FBH1: variants seen among roughly 807,000 people sequenced by gnomAD.
The protein encoded by FBH1 is F-box DNA helicase 1, also known as DNA 3'-5' helicase 1.
In FBH1, 43 loss-of-function variants were observed where a neutral mutation model predicts 115.5. That is an observed-to-expected ratio of 0.37 (90% confidence interval 0.29 to 0.48). The LOEUF is 0.48. FBH1 is among the 20% of genes least tolerant of loss of function. The pLI is 0.99. For synonymous variants in FBH1, 524 were observed against 507.8 expected, an observed-to-expected ratio of 1.03 and a Z score of -0.43; for missense variants, 1,001 against 1,337.3, an observed-to-expected ratio of 0.75 and a Z score of 3.92.
rs1420113606 is a variant in FBH1, at chr10:5,909,459, TA to T, written c.1020+169del. ...GTTGTCATTGTCCCCAGTGGAGAAA[TA>T]AAAGGCCATATAATTGTAGAGTCTT... On this transcript the variant is annotated intron_variant, in intron 5 of 20. Coordinates refer to ENST00000362091, the MANE Select transcript of FBH1 (RefSeq NM_178150.3). The surrounding 1 kb of genome is among the most constrained non-coding windows in gnomAD (Gnocchi z 4.4). 3.9e-5 allele frequency: 29 copies of T among 745,604 alleles called. No homozygotes were observed. The highest frequency in any genetic ancestry group is 5.6e-5 in the Non-Finnish European group (27 of 481,640). The allele number at this position is 745,604 out of a possible 1,614,324, so 46.2% of individuals were successfully genotyped here. A position where few individuals can be genotyped will look rare whatever the true frequency, so the allele number is the denominator to read the frequency against.
At position 5,890,318 on chromosome 10, in the gene FBH1, G is replaced by T. The variant is rs1166677893; in HGVS notation, c.-28G>T. On this transcript the variant is annotated 5_prime_UTR_variant, in exon 1 of 21. Coordinates refer to ENST00000362091, the MANE Select transcript of FBH1 (RefSeq NM_178150.3). ...CGGCGGCGCGGGCCCGGCGGCGGCG[G>T]CAGCGGGGTCCGGGTCCGGAGCGCC... 2.1e-5 allele frequency: 8 copies of T among 377,204 alleles called. No homozygotes were observed. In the Admixed American group the frequency reaches 2.8e-4, roughly 13 times the overall value. The allele number at this position is 377,204 out of a possible 1,614,324, so 23.4% of individuals were successfully genotyped here. A position where few individuals can be genotyped will look rare whatever the true frequency, so the allele number is the denominator to read the frequency against.
At chr10:5,928,775 A>G (rs1435052827) in intron 19 of FBH1, 1 of 152,216 alleles carries the variant, frequency 6.6e-6, no homozygotes, top group African/African-American at 2.4e-5. Flanking sequence ...CAGAAATTTG[A>G]GCTAATAGTT....
chr10:5,893,237 C>T (rs533660507), intron 1 of FBH1, among the ~76,000 whole-genome samples: 30 of 152,232 alleles, frequency 2.0e-4, no homozygotes, highest in Middle Eastern at 3.4e-3. Context: ...ACCTGGGAGG[C>T]GGAGGTTGCA....
chr10:5,916,309 G>T lies in FBH1; in HGVS notation c.1641G>T (p.Lys547Asn), dbSNP rs1831933568. The T allele has an allele frequency of 6.2e-7, 1 of 1,614,106 alleles. No homozygotes were observed. ...FMVNSVLAEGKGGFIRAKLVC... is the reference protein window; with the variant it reads ...FMVNSVLAEGNGGFIRAKLVC... Reference sequence around the variant, plus strand: ...TCAACTCCGTCCTTGCTGAAGGGAAGGGTGGATTCATAAGAGCCAAGCTTG... The same window carrying T: ...TCAACTCCGTCCTTGCTGAAGGGAATGGTGGATTCATAAGAGCCAAGCTTG... Residue 547 changes from lysine to asparagine, a missense_variant, in exon 10 of 21, where the codon AAG becomes AAT. By Grantham distance (94) the Lys-to-Asn change is moderately conservative (BLOSUM62 0). Around this residue, in one of 4 missense-constraint regions of FBH1, gnomAD observed 521 missense variants for 811.0 expected, o/e 0.64. Transcript: ENST00000362091.
rs1021603514 is a variant in FBH1 at position 5,936,733 on chromosome 10, G to A, written c.2961+146G>A. On this transcript the variant is annotated intron_variant, in intron 20 of 20. Transcript: ENST00000362091. This position sits in a 1 kb window ranked among gnomAD's most constrained non-coding sequence, Gnocchi z 5.6. ...TTTTCATATGAGAGGCACAAGAGGT[G>A]TGTGGTCTGTCCCAGGGTCAGAGGT... The A allele has an allele frequency of 2.0e-5, 22 of 1,073,322 alleles. No individual in the cohort carries two copies. The highest frequency in any genetic ancestry group is 3.0e-5 in the South Asian group (2 of 66,548). 66.5% of individuals were successfully genotyped at this position (1,073,322 alleles called of 1,614,324 possible).
At chr10:5,920,561 T>G (rs1048853938) in intron 13 of FBH1, among the ~76,000 whole-genome samples, 1 of 152,212 alleles carries the variant, frequency 6.6e-6, no homozygotes, top group Non-Finnish European at 1.5e-5. Context: ...TATCTTAATA[T>G]GAACTCATGG....
chr10:5,909,775 G>A lies in FBH1; in HGVS notation c.1020+481G>A, dbSNP rs7907810. On this transcript the variant is annotated intron_variant, in intron 5 of 20. Coordinates refer to ENST00000362091, the MANE Select transcript of FBH1 (RefSeq NM_178150.3). This position sits in a 1 kb window ranked among gnomAD's most constrained non-coding sequence, Gnocchi z 4.4. Reference sequence around the variant, plus strand: ...TCCTTTTCCAGTTCAGGGATTCCCAGATTTTATCTTCGAAGCTACGTGCAA... The same window carrying A: ...TCCTTTTCCAGTTCAGGGATTCCCAAATTTTATCTTCGAAGCTACGTGCAA... Among the ~76,000 whole-genome samples, 1,789 of 152,332 alleles carry A rather than the reference G, an allele frequency of 0.012. 37 individuals are homozygous for A. The highest frequency in any genetic ancestry group is 0.041 in the African/African-American group (1,708 of 41,564).
intron 3 of FBH1, among the ~76,000 whole-genome samples, chr10:5,907,666 G>C (rs1367855137): frequency 6.6e-6 from 1 of 151,898 alleles, no homozygotes; most frequent in African/African-American, 2.4e-5. Context: ...GAGAGATAGG[G>C]TTTCACCATG....
At chr10:5,930,348 ACTCC>A (rs762635409) in intron 19 of FBH1, among the ~76,000 whole-genome samples, 4 of 151,986 alleles carry the variant, frequency 2.6e-5, no homozygotes, top group Middle Eastern at 3.4e-3. Flanking sequence ...GCTGTACGGG[ACTCC>A]CTCCCTGCTT....
Position 5,894,412 on chromosome 10 carries a change from G to A in FBH1, c.1+4066G>A, listed in dbSNP as rs1276174788. 3.1e-6 allele frequency: 5 copies of A among 1,611,006 alleles called. No homozygotes were observed. The East Asian group carries it at 6.7e-5, about 22-fold the overall frequency. On this transcript the variant is annotated intron_variant, in intron 1 of 20. Coordinates refer to ENST00000362091, the MANE Select transcript of FBH1 (RefSeq NM_178150.3). ...TGCTTTCAAGGTGTCTAGATACAGA[G>A]TGAAGAATGTCACAGTAGGAAGTGC...
upstream of FBH1, chr10:5,890,074 C>T: frequency 3.3e-6 from 1 of 306,752 alleles, no homozygotes; most frequent in Non-Finnish European, 6.0e-6. Flanking sequence ...GCGCCCCCAC[C>T]GATTGCGCAT....
At chr10:5,928,234 T>G (rs1014244415) in intron 19 of FBH1, 2 of 148,228 alleles carry the variant, frequency 1.3e-5, no homozygotes, top group Non-Finnish European at 3.0e-5. Context: ...CACTGTAACC[T>G]GGAACTCCTA....
At chr10:5,912,524 C>T (rs1000065942) in intron 6 of FBH1, among the ~76,000 whole-genome samples, 1 of 152,084 alleles carries the variant, frequency 6.6e-6, no homozygotes, top group Non-Finnish European at 1.5e-5. Flanking sequence ...GGGTCCCTTC[C>T]CCAGGGAGAC....
rs1302358166 is a variant in FBH1, at chr10:5,913,355, T to C, written c.1212-392T>C. Among the ~76,000 whole-genome samples the C allele has an allele frequency of 3.5e-5, 2 of 56,476 alleles. No homozygotes were observed. The highest frequency in any genetic ancestry group is 7.6e-4 in the South Asian group (2 of 2,646). 37.1% of individuals were successfully genotyped at this position (56,476 alleles called of 152,430 possible). A position where few individuals can be genotyped will look rare whatever the true frequency, so the allele number is the denominator to read the frequency against. ...CCGAGGCTCAGAAAGAGGCTGGTGTTTTATCCACAGGTGTAGTAAGTATCA... is the reference window on the plus strand; with the variant it reads ...CCGAGGCTCAGAAAGAGGCTGGTGTCTTATCCACAGGTGTAGTAAGTATCA... On this transcript the variant is annotated intron_variant, in intron 6 of 20. Transcript: ENST00000362091. The surrounding 1 kb of genome is among the most constrained non-coding windows in gnomAD (Gnocchi z 4.4).
intron 1 of FBH1, among the ~76,000 whole-genome samples, chr10:5,902,530 G>A (rs1208742490): frequency 6.6e-6 from 1 of 152,012 alleles, no homozygotes; most frequent in Non-Finnish European, 1.5e-5. Context: ...GCAGTGGTGC[G>A]ATCTCAGCTC....
chr10:5,917,247 C>T lies in FBH1; in HGVS notation c.1789-173C>T, dbSNP rs1290888692. 4 of 615,442 alleles carry T rather than the reference C, an allele frequency of 6.5e-6. No homozygotes were observed. In the Admixed American group the frequency reaches 1.0e-4, roughly 16 times the overall value. 38.1% of individuals were successfully genotyped at this position (615,442 alleles called of 1,614,324 possible). On this transcript the variant is annotated intron_variant, in intron 10 of 20. Transcript: ENST00000362091. The surrounding 1 kb of genome is among the most constrained non-coding windows in gnomAD (Gnocchi z 5.6). ...GCTTCCTGTCTCAGCACTGGAGACC[C>T]TCTGGCGTGGAGAGGCTGTTGAGGA...
rs924534868 is a variant in FBH1 at position 5,908,920 on chromosome 10, C to CA, written c.754-4dup. The stretch of plus-strand genomic sequence containing the variant: ...TGTTATTTTGTTTGTTTTTTAACTG[C>CA]ATAGTTCATTCCTTGGAAGAAGCTG... On this transcript the variant is annotated splice_polypyrimidine_tract_variant and splice_region_variant and intron_variant, in intron 3 of 20. Transcript: ENST00000362091. 12 of 1,613,756 alleles carry CA rather than the reference C, an allele frequency of 7.4e-6. No homozygotes were observed. The African/African-American group carries it at 1.2e-4, about 16-fold the overall frequency.
chr10:5,916,204 C>T (rs762594224), intron 9 of FBH1, 30 bp from the exon 10 acceptor site: 21 of 1,591,238 alleles, frequency 1.3e-5, no homozygotes, highest in Admixed American at 8.4e-5. Flanking sequence ...AGGAGAGCCA[C>T]GTGCTGTTCA....
chr10:5,907,116 C>T (rs1843742212), intron 3 of FBH1, among the ~76,000 whole-genome samples: 1 of 152,178 alleles, frequency 6.6e-6, no homozygotes, highest in South Asian at 2.1e-4. Context: ...GCGTGCGCCA[C>T]CACACCCGGC....
Sources: allele counts gnomAD v4.1 joint callset (sites outside exome capture counted in the v4.1 genomes callset), GRCh38; gene constraint gnomAD v4.1.1; regional missense constraint gnomAD v4.1.1; non-coding constraint Gnocchi (gnomAD v3.1); transcripts MANE v1.5; gene names NCBI Gene and HGNC (gene_info 2026-07-23, HGNC 2026-07-21).